Variants in PRSS23 observed in about 807,000 individuals in gnomAD.
The protein encoded by PRSS23 is serine protease 23, also known as protease, serine 23.
A neutral mutation model predicts 34.7 loss-of-function variants in PRSS23; 25 were observed. The observed-to-expected ratio is 0.72, with a 90% confidence interval of 0.53 to 1.01. PRSS23 has a LOEUF of 1.01. Among genes scored for constraint, PRSS23 ranks in the 50% least tolerant of loss-of-function variants. The pLI is 0.00. For missense variants in PRSS23, 445 were observed against 475.6 expected (o/e 0.94, Z 0.60); for synonymous variants, 176 against 186.6 (o/e 0.94, Z 0.46).
At chr11:86,850,258 C>A (rs976388549) in intron 2 of PRSS23, among the ~76,000 whole-genome samples, 8 of 152,150 alleles carry the variant, frequency 5.3e-5, no homozygotes, top group Non-Finnish European at 1.5e-5. Flanking sequence ...AGTGAGAAAC[C>A]CTGGAATGAC....
At chr11:86,879,957 C>T (rs1948761529) in intron 2 of PRSS23, among the ~76,000 whole-genome samples, 1 of 152,010 alleles carries the variant, frequency 6.6e-6, no homozygotes, top group South Asian at 2.1e-4. Context: ...CCCAACAGCT[C>T]ATTGAGAACG....
chr11:86,833,288 G>C, intron 2 of PRSS23: 1 of 1,551,892 alleles, frequency 6.4e-7, no homozygotes, highest in Non-Finnish European at 8.9e-7. Flanking sequence ...AAGTACATGG[G>C]GGTGTGGAGG....
intron 2 of PRSS23, among the ~76,000 whole-genome samples, chr11:86,834,553 TTTTCC>T (rs71274421): frequency 0.074 from 5,944 of 79,872 alleles, 308 homozygotes; most frequent in Middle Eastern, 0.18. Flanking sequence ...TTCCTTTCCT[TTTTCC>T]TTTCCTTTCC....
At chr11:86,877,871 A>G in intron 2 of PRSS23, among the ~76,000 whole-genome samples, 1 of 144,200 alleles carries the variant, frequency 6.9e-6, no homozygotes, top group Non-Finnish European at 1.5e-5. Context: ...AAAAAAAAAG[A>G]GGTGGGGTGG....
chr11:86,868,326 C>G (rs1948664104), intron 2 of PRSS23, among the ~76,000 whole-genome samples: 1 of 152,136 alleles, frequency 6.6e-6, no homozygotes, highest in Admixed American at 6.5e-5. Context: ...CTTCTGGGTT[C>G]CATGTGGTAT....
chr11:86,924,937 T>G (rs1487809189), intron 2 of PRSS23: 1 of 152,198 alleles, frequency 6.6e-6, no homozygotes, highest in Non-Finnish European at 1.5e-5. Flanking sequence ...GACTCAGTAT[T>G]TCATTCTGTA....
chr11:86,834,956 C>T (rs996730628), intron 2 of PRSS23, among the ~76,000 whole-genome samples: 11 of 152,302 alleles, frequency 7.2e-5, no homozygotes, highest in African/African-American at 2.4e-4. Flanking sequence ...AAGTAACTTC[C>T]ATCAGTATAC....
chr11:86,826,424 C>T (rs1188821489), intron 2 of PRSS23, among the ~76,000 whole-genome samples: 1 of 152,210 alleles, frequency 6.6e-6, no homozygotes, highest in East Asian at 1.9e-4. Flanking sequence ...GATATACAAT[C>T]ATGTCATCTG....
At chr11:86,826,865 C>A (rs1216202446) in intron 2 of PRSS23, among the ~76,000 whole-genome samples, 2 of 152,126 alleles carry the variant, frequency 1.3e-5, no homozygotes, top group African/African-American at 2.4e-5. Flanking sequence ...GGTGGATAAG[C>A]TTTTTGATGT....
At chr11:86,898,352 A>G (rs768526706) in intron 2 of PRSS23, among the ~76,000 whole-genome samples, 6 of 152,232 alleles carry the variant, frequency 3.9e-5, no homozygotes. Context: ...AATATAGTAT[A>G]AAAAGTATTT....
At chr11:86,800,991 C>G (rs1305982618) in intron 1 of PRSS23, among the ~76,000 whole-genome samples, 1 of 152,092 alleles carries the variant, frequency 6.6e-6, no homozygotes, top group African/African-American at 2.4e-5. Context: ...GGGGCGATGG[C>G]TACACCCCCA....
chr11:86,902,214 C>T (rs1948916017), intron 2 of PRSS23, among the ~76,000 whole-genome samples: 1 of 152,168 alleles, frequency 6.6e-6, no homozygotes, highest in Non-Finnish European at 1.5e-5. Context: ...CACCTGTGCT[C>T]AGAAACTATA....
At chr11:86,943,131 G>A (rs1287157118) in intron 2 of PRSS23, among the ~76,000 whole-genome samples, 2 of 152,250 alleles carry the variant, frequency 1.3e-5, no homozygotes, top group African/African-American at 2.4e-5. Flanking sequence ...GTGGGCAAGA[G>A]ACCAGCCAAG....
At chr11:86,910,797 T>C (rs1948972311) in intron 2 of PRSS23, 1 of 152,176 alleles carries the variant, frequency 6.6e-6, no homozygotes, top group African/African-American at 2.4e-5. Flanking sequence ...CCCACTTTAA[T>C]AGATGATACA....
intron 2 of PRSS23, among the ~76,000 whole-genome samples, chr11:86,886,413 C>A (rs1053017785): frequency 3.3e-5 from 5 of 152,202 alleles, no homozygotes; most frequent in African/African-American, 1.2e-4. Flanking sequence ...GAAGTGCTCT[C>A]CCAGCTTTAA....
chr11:86,951,905 A>G, exon 3 of PRSS23: 1 of 1,613,918 alleles, frequency 6.2e-7, no homozygotes, highest in Non-Finnish European at 8.5e-7. Context: ...TGCCTCTTCA[A>G]AATCACAGGA....
chr11:86,906,518 C>A (rs1241492570), intron 2 of PRSS23, among the ~76,000 whole-genome samples: 1 of 152,222 alleles, frequency 6.6e-6, no homozygotes, highest in African/African-American at 2.4e-5. Flanking sequence ...ATCTAATCAG[C>A]CCCGCAGTGC....
chr11:86,917,105 A>G (rs1949018181), intron 2 of PRSS23, among the ~76,000 whole-genome samples: 1 of 152,236 alleles, frequency 6.6e-6, no homozygotes, highest in Admixed American at 6.5e-5. Flanking sequence ...AGATCACGTG[A>G]GGTCAGGAGT....
chr11:86,824,367 A>AAATAAAATAAAATAAAAT (rs1948281307), intron 2 of PRSS23, among the ~76,000 whole-genome samples: 1 of 149,672 alleles, frequency 6.7e-6, no homozygotes, highest in Non-Finnish European at 1.5e-5. Flanking sequence ...AAATAAAATA[A>AAATAAAATAAAATAAAAT]AATAAATAAA....
Sources: gnomAD v4.1 joint callset for allele counts (sites outside exome capture counted in the v4.1 genomes callset) on GRCh38, gnomAD v4.1.1 for gene constraint, MANE v1.5 for transcripts, NCBI Gene and HGNC (gene_info 2026-07-23, HGNC 2026-07-21) for gene names.